Variants in STAMBPL1 observed in about 807,000 individuals in gnomAD.
STAMBPL1 encodes the protein STAM binding protein like 1, also known as AMSH-like protease.
In STAMBPL1, 44 loss-of-function variants were observed where a neutral mutation model predicts 52.9. That is an observed-to-expected ratio of 0.83 (90% CI 0.65 to 1.07). The LOEUF (loss-of-function observed/expected upper bound fraction) is 1.07. STAMBPL1 is among the 50% of genes least tolerant of loss of function. The pLI is 0.00. For missense variants in STAMBPL1, 511 were observed against 520.8 expected, an observed-to-expected ratio of 0.98 and a Z score of 0.18; for synonymous variants, 164 against 177.3, an observed-to-expected ratio of 0.92 and a Z score of 0.60.
intron 1 of STAMBPL1, among the ~76,000 whole-genome samples, chr10:88,883,459 T>C (rs1241218878): frequency 6.6e-6 from 1 of 152,232 alleles, no homozygotes; most frequent in Non-Finnish European, 1.5e-5. Flanking sequence ...CGTGTGAATG[T>C]ACATTCAGAA....
At chr10:88,904,037 C>T (rs749803808) in intron 2 of STAMBPL1, among the ~76,000 whole-genome samples, 6 of 152,208 alleles carry the variant, frequency 3.9e-5, no homozygotes, top group Admixed American at 1.3e-4. Context: ...AAGGTTGGCT[C>T]GGTAATTCAT....
intron 2 of STAMBPL1, among the ~76,000 whole-genome samples, chr10:88,902,347 A>AAT (rs1844963482): frequency 6.6e-6 from 1 of 150,400 alleles, no homozygotes; most frequent in African/African-American, 2.5e-5. Context: ...AATTGGAAAC[A>AAT]ATATTTTTGA....
chr10:88,904,289 T>C (rs956005313), intron 2 of STAMBPL1, among the ~76,000 whole-genome samples: 13 of 152,184 alleles, frequency 8.5e-5, no homozygotes, highest in Non-Finnish European at 4.4e-5. Flanking sequence ...GAAAGATGGA[T>C]TAAAACATTG....
intron 3 of STAMBPL1, among the ~76,000 whole-genome samples, chr10:88,906,065 T>G (rs1845066035): frequency 6.6e-6 from 1 of 152,216 alleles, no homozygotes; most frequent in African/African-American, 2.4e-5. Context: ...TTAAAAAATT[T>G]GATTTGGTGG....
At chr10:88,894,162 T>G (rs1207405743) in intron 1 of STAMBPL1, among the ~76,000 whole-genome samples, 1 of 152,194 alleles carries the variant, frequency 6.6e-6, no homozygotes, top group Non-Finnish European at 1.5e-5. Flanking sequence ...CAACCTCCTT[T>G]GCAGTTTGGG....
At chr10:88,886,976 G>C (rs376981116) in intron 1 of STAMBPL1, among the ~76,000 whole-genome samples, 8 of 152,294 alleles carry the variant, frequency 5.3e-5, no homozygotes, top group African/African-American at 1.9e-4. Context: ...AATACAGAGA[G>C]GCTGTTCTGC....
intron 1 of STAMBPL1, among the ~76,000 whole-genome samples, chr10:88,886,772 G>A (rs1844544840): frequency 6.6e-6 from 1 of 152,172 alleles, no homozygotes; most frequent in East Asian, 1.9e-4. Context: ...TCAGAGACAG[G>A]CTCAGGTGCA....
In STAMBPL1 at chr10:88,910,916, A is replaced by C. The variant is rs1376057797; in HGVS notation, c.325A>C (p.Lys109Gln). 1.3e-6 allele frequency: 2 copies of C among 1,578,368 alleles called. No individual in the cohort carries two copies. Among genetic ancestry groups the C allele is most frequent in the Non-Finnish European group, 1.7e-6 (2 of 1,166,806 alleles). The part of the protein sequence containing the change: ...AVPEKQDIMK[K>Q]LKEIAFPRTD... The stretch of plus-strand genomic sequence containing the variant: ...CAATATGTATATATATTTTTAAAAG[A>C]AACTGAAGGAGATTGCATTCCCAAG... The change falls in exon 5 of 11, where the codon AAA (lysine) becomes CAA (glutamine). Residue 109 changes from lysine to glutamine, a missense_variant and splice_region_variant. Physicochemically the swap from Lys to Gln is moderately conservative, Grantham distance 53 (BLOSUM62 1). Around this residue, in one of 3 missense-constraint regions of STAMBPL1, gnomAD observed 358 missense variants for 343.5 expected, o/e 1.04. Coordinates refer to ENST00000371926, the MANE Select transcript of STAMBPL1 (RefSeq NM_020799.4).
chr10:88,897,317 A>G (rs911668589), intron 1 of STAMBPL1, among the ~76,000 whole-genome samples: 3 of 152,122 alleles, frequency 2.0e-5, no homozygotes, highest in African/African-American at 7.2e-5. Flanking sequence ...TGGTTCTGAC[A>G]CCATGATTCC....
intron 1 of STAMBPL1, among the ~76,000 whole-genome samples, chr10:88,889,073 A>G (rs2133125879): frequency 6.6e-6 from 1 of 152,358 alleles, no homozygotes; most frequent in Non-Finnish European, 1.5e-5. Context: ...GTTTTCACTT[A>G]ATGCTCTAAC....
At chr10:88,918,789 T>G (rs112005768) in intron 8 of STAMBPL1, among the ~76,000 whole-genome samples, 20 of 152,312 alleles carry the variant, frequency 1.3e-4, no homozygotes, top group African/African-American at 4.8e-4. Context: ...ATTATGCATT[T>G]ACACTGACAA....
intron 8 of STAMBPL1, among the ~76,000 whole-genome samples, chr10:88,919,810 C>A (rs1222535931): frequency 6.7e-6 from 1 of 149,266 alleles, no homozygotes; most frequent in Non-Finnish European, 1.5e-5. Context: ...TACCTTCATT[C>A]TATTAAAGCC....
At chr10:88,896,422 T>C (rs1844811590) in intron 1 of STAMBPL1, among the ~76,000 whole-genome samples, 1 of 152,230 alleles carries the variant, frequency 6.6e-6, no homozygotes, top group South Asian at 2.1e-4. Flanking sequence ...TACCTCTCTT[T>C]ATCTAAATCA....
rs542217784 is a variant in STAMBPL1, at chr10:88,922,376, G to A, written c.1194G>A (p.Glu398=). The stretch of plus-strand genomic sequence containing the variant: ...GGCTCACCAATGCTGGCATGCTTGA[G>A]GTTTCTGCTTGTAAAAAAAAGGGCT... ...IFRLTNAGML[E]VSACKKKGFH... The change falls in exon 10 of 11, where the codon GAG becomes GAA. Residue 398 remains glutamate (E), a synonymous_variant. Transcript: ENST00000371926. 6.2e-6 allele frequency: 10 copies of A among 1,613,380 alleles called. No individual in the cohort carries two copies. The South Asian group carries it at 9.9e-5, about 16-fold the overall frequency.
At chr10:88,888,486 C>T (rs1844594507) in intron 1 of STAMBPL1, among the ~76,000 whole-genome samples, 1 of 152,172 alleles carries the variant, frequency 6.6e-6, no homozygotes, top group African/African-American at 2.4e-5. Flanking sequence ...TTTGGCTGGA[C>T]TGACTTTCAA....
chr10:88,884,202 GCTTATCAC>G, intron 1 of STAMBPL1, among the ~76,000 whole-genome samples: 2 of 152,188 alleles, frequency 1.3e-5, no homozygotes, highest in Admixed American at 1.3e-4. Flanking sequence ...ATAAAAAACT[GCTTATCAC>G]TGTTCTGAAG....
chr10:88,919,055 T>C (rs1173427543), intron 8 of STAMBPL1, among the ~76,000 whole-genome samples: 1 of 152,176 alleles, frequency 6.6e-6, no homozygotes, highest in Non-Finnish European at 1.5e-5. Flanking sequence ...TTTTATTAAG[T>C]ATAATAATAG....
Position 88,886,523 on chromosome 10 carries a change from C to CT in STAMBPL1, c.-54+5895dup, listed in dbSNP as rs575488502. Among the ~76,000 whole-genome samples, 1,029 of 148,360 alleles carry CT rather than the reference C, an allele frequency of 6.9e-3. 6 individuals are homozygous for CT. The highest frequency in any genetic ancestry group is 8.0e-3 in the Non-Finnish European group (532 of 66,794). On this transcript the variant is annotated intron_variant, in intron 1 of 10. Coordinates refer to ENST00000371926, the MANE Select transcript of STAMBPL1 (RefSeq NM_020799.4). ...AGAATTTGAGATTTAGTGAATTTGG[C>CT]TTTTTTTTTTAAACGGCTGCAATGC...
chr10:88,919,471 G>C lies in STAMBPL1; in HGVS notation c.1042-1812G>C, dbSNP rs139593798. On this transcript the variant is annotated intron_variant, in intron 8 of 10. Coordinates refer to ENST00000371926, the MANE Select transcript of STAMBPL1 (RefSeq NM_020799.4). ...CCTTTTGGTAGAAATGAAGGACTCA[G>C]GTCATGTGGTGTGCATTCTGTGTTC... Among the ~76,000 whole-genome samples, 54 of 152,304 alleles carry C rather than the reference G, an allele frequency of 3.5e-4. 2 individuals are homozygous for C. The highest frequency in any genetic ancestry group is 1.2e-3 in the African/African-American group (51 of 41,582).
Sources: gnomAD v4.1 joint callset for allele counts (sites outside exome capture counted in the v4.1 genomes callset) on GRCh38, gnomAD v4.1.1 for gene constraint, gnomAD v4.1.1 regional missense constraint, MANE v1.5 for transcripts, NCBI Gene and HGNC (gene_info 2026-07-23, HGNC 2026-07-21) for gene names.